The following FHIT variants were observed in gnomAD, a reference collection of about 807,000 sequenced individuals.
The protein encoded by FHIT is bis(5'-adenosyl)-triphosphatase.
A neutral mutation model predicts 17.9 loss-of-function variants in FHIT; 19 were observed. The ratio of observed to expected loss-of-function variants is 1.06; its 90% confidence interval spans 0.74 to 1.56. The LOEUF (loss-of-function observed/expected upper bound fraction) is 1.56, where lower values mean the gene tolerates loss of function less well. Ranked by LOEUF, FHIT falls within the 40% of genes most tolerant of loss-of-function variation. FHIT has a pLI of 0.00. For missense variants in FHIT, 248 were observed against 189.2 expected (o/e 1.31, Z -1.82); for synonymous variants, 81 against 69.7 (o/e 1.16, Z -0.81).
intron 5 of FHIT, among the ~76,000 whole-genome samples, chr3:60,172,772 C>T (rs1355724859): frequency 6.6e-6 from 1 of 152,122 alleles, no homozygotes; most frequent in African/African-American, 2.4e-5. Flanking sequence ...CTCCTCCAAG[C>T]AGGACTGTCC....
rs1575937913 is a variant in FHIT at position 60,033,816 on chromosome 3, C to G, written c.104-19664G>C. On this transcript the variant is annotated intron_variant, in intron 5 of 9. Coordinates refer to ENST00000492590, the MANE Select transcript of FHIT (RefSeq NM_002012.4). ...TGGGATAATGCATTGGGTACAGTGA[C>G]CAACACATAGTAAACATTCAGTAAA... Among the ~76,000 whole-genome samples, 3 of 152,082 alleles carry G rather than the reference C, an allele frequency of 2.0e-5. No homozygotes were observed. In the South Asian group the frequency reaches 6.2e-4, roughly 31 times the overall value.
At chr3:60,677,235 C>T (rs1553695606) in intron 4 of FHIT, among the ~76,000 whole-genome samples, 2 of 151,976 alleles carry the variant, frequency 1.3e-5, no homozygotes, top group Admixed American at 6.6e-5. Context: ...ATGGATATAC[C>T]GCATAGTGGT....
chr3:60,032,512 A>G (rs749562101), intron 5 of FHIT, among the ~76,000 whole-genome samples: 3 of 152,192 alleles, frequency 2.0e-5, no homozygotes, highest in Non-Finnish European at 2.9e-5. Context: ...TACAAGCGTC[A>G]CCAACAGCCA....
intron 7 of FHIT, among the ~76,000 whole-genome samples, chr3:59,969,612 TG>T (rs1421012299): frequency 6.6e-6 from 1 of 152,114 alleles, no homozygotes; most frequent in Non-Finnish European, 1.5e-5. Flanking sequence ...TTGTATAATT[TG>T]GGGCCATTAC....
chr3:60,687,581 T>A (rs1175793851), intron 4 of FHIT, among the ~76,000 whole-genome samples: 1 of 152,222 alleles, frequency 6.6e-6, no homozygotes, highest in South Asian at 2.1e-4. Context: ...CTTTGAGATA[T>A]AATATATGAT....
intron 4 of FHIT, among the ~76,000 whole-genome samples, chr3:60,757,744 G>A (rs1335194822): frequency 2.0e-5 from 3 of 152,208 alleles, no homozygotes; most frequent in African/African-American, 7.2e-5. Flanking sequence ...TTAATTGTAA[G>A]CACAAGAGAA....
intron 5 of FHIT, among the ~76,000 whole-genome samples, chr3:60,333,531 G>A (rs889254887): frequency 1.3e-5 from 2 of 150,366 alleles, no homozygotes; most frequent in African/African-American, 4.9e-5. Flanking sequence ...TTTATTTGTT[G>A]TGACCTTTCT....
In FHIT at chr3:60,040,057, A is replaced by G. The variant is rs78153263; in HGVS notation, c.104-25905T>C. 7.8e-3 allele frequency among the ~76,000 whole-genome samples: 1,183 copies of G among 152,356 alleles called. 12 individuals are homozygous for G. Among genetic ancestry groups the G allele is most frequent in the African/African-American group, 0.027 (1,114 of 41,586 alleles). On this transcript the variant is annotated intron_variant, in intron 5 of 9. Transcript: ENST00000492590. ...ATAATCAATCACCAAACAAATGTTTATCTTAAGATGACACCCATAAACATG... is the reference window on the plus strand; with the variant it reads ...ATAATCAATCACCAAACAAATGTTTGTCTTAAGATGACACCCATAAACATG...
chr3:60,652,414 C>A (rs1434342792), intron 4 of FHIT, among the ~76,000 whole-genome samples: 2 of 151,864 alleles, frequency 1.3e-5, no homozygotes, highest in Non-Finnish European at 2.9e-5. Flanking sequence ...CCAGCCTGGT[C>A]AACACGGTGA....
intron 2 of FHIT, among the ~76,000 whole-genome samples, chr3:61,175,062 T>G (rs2107146662): frequency 6.6e-6 from 1 of 152,028 alleles, no homozygotes; most frequent in Middle Eastern, 3.4e-3. Flanking sequence ...TCACGAAAGG[T>G]TAAGAAAAGA....
chr3:60,984,714 A>G (rs73102224), intron 3 of FHIT, among the ~76,000 whole-genome samples: 15,970 of 152,128 alleles, frequency 0.1, 1,044 homozygotes, highest in East Asian at 0.25. Flanking sequence ...GAGAAATTTT[A>G]AAAGCTACAA....
chr3:60,377,218 T>TTC (rs889014072), intron 5 of FHIT, among the ~76,000 whole-genome samples: 24 of 151,990 alleles, frequency 1.6e-4, no homozygotes, highest in African/African-American at 5.8e-4. Flanking sequence ...TTTTTTTTTT[T>TTC]TTAATGGAGT....
At chr3:59,999,816 C>T (rs900568182) in intron 7 of FHIT, among the ~76,000 whole-genome samples, 1 of 152,114 alleles carries the variant, frequency 6.6e-6, no homozygotes, top group Non-Finnish European at 1.5e-5. Context: ...CCATGTTGGA[C>T]AGGCTGGTCT....
At chr3:60,566,144 T>G (rs2037125097) in intron 4 of FHIT, among the ~76,000 whole-genome samples, 1 of 152,126 alleles carries the variant, frequency 6.6e-6, no homozygotes, top group African/African-American at 2.4e-5. Flanking sequence ...ATTTCTGTTC[T>G]TTTACATTTG....
chr3:60,145,725 G>A (rs971855550), intron 5 of FHIT, among the ~76,000 whole-genome samples: 1 of 152,012 alleles, frequency 6.6e-6, no homozygotes, highest in Non-Finnish European at 1.5e-5. Context: ...ACTTATCCTG[G>A]TCCCCTTTAT....
intron 5 of FHIT, among the ~76,000 whole-genome samples, chr3:60,233,778 T>C (rs1704622738): frequency 6.6e-6 from 1 of 152,056 alleles, no homozygotes; most frequent in Non-Finnish European, 1.5e-5. Context: ...GCTGTTCTTG[T>C]GATAGTGAGT....
chr3:60,384,746 T>A (rs898083216), intron 5 of FHIT, among the ~76,000 whole-genome samples: 5 of 151,288 alleles, frequency 3.3e-5, no homozygotes, highest in Non-Finnish European at 5.9e-5. Flanking sequence ...GCACTTTGAA[T>A]CATAGTATCT....
At position 60,573,755 on chromosome 3, in the gene FHIT, G is replaced by A. The variant is rs558481772; in HGVS notation, c.-17-36776C>T. On this transcript the variant is annotated intron_variant, in intron 4 of 9. Transcript: ENST00000492590. ...ACATTTCTTCCTCTACAGAGAAAAC[G>A]AAAGAGTCTGCTATTGGTGATCATT... is the stretch of plus-strand genomic sequence containing the variant. 3.9e-5 allele frequency among the ~76,000 whole-genome samples: 6 copies of A among 152,174 alleles called. No homozygotes were observed. In the South Asian group the frequency reaches 6.2e-4, roughly 16 times the overall value.
At chr3:60,625,540 T>G (rs1269131703) in intron 4 of FHIT, among the ~76,000 whole-genome samples, 1 of 152,206 alleles carries the variant, frequency 6.6e-6, no homozygotes, top group Non-Finnish European at 1.5e-5. Context: ...TATGGGCTTA[T>G]TGGTCATCTG....
Sources: gnomAD v4.1 joint callset for allele counts (sites outside exome capture counted in the v4.1 genomes callset) on GRCh38, gnomAD v4.1.1 for gene constraint, MANE v1.5 for transcripts, NCBI Gene and HGNC (gene_info 2026-07-23, HGNC 2026-07-21) for gene names.